Variants in CCT5 observed in about 807,000 individuals in gnomAD.
CCT5 encodes the protein T-complex protein 1 subunit epsilon.
A neutral mutation model predicts 55.0 loss-of-function variants in CCT5; 6 were observed. The ratio of observed to expected loss-of-function variants is 0.11; its 90% CI spans 0.06 to 0.22. The LOEUF (loss-of-function observed/expected upper bound fraction) is 0.22, where lower values mean the gene tolerates loss of function less well. CCT5 is among the 10% of genes least tolerant of loss of function. The pLI, the probability that CCT5 is intolerant of heterozygous loss-of-function variation, is 1.00. For synonymous variants in CCT5, 231 were observed against 243.7 expected (o/e 0.95, Z 0.49); for missense variants, 560 against 694.6 (o/e 0.81, Z 2.18).
chr5:10,259,789 T>TG (rs1004178067), intron 6 of CCT5, among the ~76,000 whole-genome samples: 3 of 152,178 alleles, frequency 2.0e-5, no homozygotes, highest in Non-Finnish European at 1.5e-5. Context: ...TCAGCTGTGC[T>TG]GGGGGGCCAC....
rs1579456640 is a variant in CCT5 at position 10,262,040 on chromosome 5, TG to T, written c.1179+296del. The T allele has an allele frequency of 1.2e-5, 5 of 424,224 alleles. No individual in the cohort carries two copies. In the East Asian group the frequency reaches 2.7e-4, roughly 23 times the overall value. The allele number at this position is 424,224 out of a possible 1,614,324, so 26.3% of individuals were successfully genotyped here. On this transcript the variant is annotated intron_variant, in intron 8 of 10. Transcript: ENST00000280326. Reference sequence around the variant, plus strand: ...TTCAAGTCCTGGATTTTAGAATGTTTGATACAGTTACATTAGGGGTTGGTTA... The same window carrying T: ...TTCAAGTCCTGGATTTTAGAATGTTTATACAGTTACATTAGGGGTTGGTTA...
rs148865483 is a variant in CCT5, at chr5:10,255,772, C to T, written c.332-183C>T. Reference sequence around the variant, plus strand: ...TCTGTAAGGGGACACATGTCCTATTCGACCTTCGCTAGAACTAAAACGAGG... The same window carrying T: ...TCTGTAAGGGGACACATGTCCTATTTGACCTTCGCTAGAACTAAAACGAGG... On this transcript the variant is annotated intron_variant, in intron 3 of 10. Coordinates refer to ENST00000280326, the MANE Select transcript of CCT5 (RefSeq NM_012073.5). Among the ~76,000 whole-genome samples, 1,450 of 152,266 alleles carry T rather than the reference C, an allele frequency of 9.5e-3. 23 individuals are homozygous for T. The highest frequency in any genetic ancestry group is 0.032 in the African/African-American group (1,340 of 41,538).
At chr5:10,250,234 G>C (rs1312484095), upstream of CCT5, 6 of 1,577,924 alleles carry the variant, frequency 3.8e-6, no homozygotes, top group East Asian at 1.4e-4. Flanking sequence ...CGCGCGTCTT[G>C]TGCTGCGCGT....
intron 3 of CCT5, 195 bp downstream of exon 3, chr5:10,255,033 G>A (rs1745604260): frequency 9.9e-6 from 6 of 606,100 alleles, no homozygotes; most frequent in Admixed American, 5.2e-5. Flanking sequence ...GAGGGCTGGG[G>A]ATTGTTAGGC....
At chr5:10,262,886 T>C (rs759709844) in intron 9 of CCT5, among the ~76,000 whole-genome samples, 8 of 152,354 alleles carry the variant, frequency 5.3e-5, no homozygotes, top group Middle Eastern at 3.4e-3. Flanking sequence ...AAAATTAATA[T>C]TATAACTTAA....
chr5:10,255,983 G>A lies in CCT5; in HGVS notation c.360G>A (p.Ala120=), dbSNP rs140826112. The change falls in exon 4 of 11, where the codon GCG becomes GCA. Residue 120 remains alanine, a synonymous_variant. Transcript: ENST00000280326. ...VVLAGALLEE[A]EQLLDRGIHP... is the part of the protein sequence containing the mutation. ...TGGCTGGTGCCTTGTTAGAAGAAGC[G>A]GAGCAATTGCTAGACCGAGGCATTC... 46 of 1,614,012 alleles carry A rather than the reference G, an allele frequency of 2.9e-5. No homozygotes were observed. Among genetic ancestry groups the A allele is most frequent in the Middle Eastern group, 3.3e-4 (2 of 6,084 alleles).
Position 10,250,470 on chromosome 5 carries a change from G to T in CCT5, c.105+25G>T, listed in dbSNP as rs781109373. The stretch of plus-strand genomic sequence containing the variant: ...GGTAATGGCACAGGGACCTGCTCGC[G>T]GTGGGCTAAGGGGAGGTGGCCGAGG... On this transcript the variant is annotated intron_variant, in intron 1 of 10. Transcript: ENST00000280326. 9 of 1,611,322 alleles carry T rather than the reference G, an allele frequency of 5.6e-6. No individual in the cohort carries two copies. The Admixed American group carries it at 1.5e-4, about 27-fold the overall frequency.
intron 2 of CCT5, 63 bp from the exon 3 acceptor site, chr5:10,254,611 T>C (rs1208059255): frequency 3.5e-6 from 5 of 1,439,546 alleles, no homozygotes; most frequent in Non-Finnish European, 4.9e-6. Flanking sequence ...GAGGTCTTGT[T>C]TTATAGTTTG....
chr5:10,263,392 G>C, intron 10 of CCT5, 78 bp downstream of exon 10: 1 of 1,305,338 alleles, frequency 7.7e-7, no homozygotes, highest in Non-Finnish European at 1.1e-6. Flanking sequence ...TGTATGTGCT[G>C]TGAGATGATG....
intron 1 of CCT5, 33 bp downstream of exon 1, chr5:10,250,478 A>G: frequency 6.2e-7 from 1 of 1,610,572 alleles, no homozygotes; most frequent in Non-Finnish European, 8.5e-7. Context: ...GCGGTGGGCT[A>G]AGGGGAGGTG....
At chr5:10,259,037 GT>G (rs1745820987) in intron 6 of CCT5, among the ~76,000 whole-genome samples, 1 of 152,206 alleles carries the variant, frequency 6.6e-6, no homozygotes, top group African/African-American at 2.4e-5. Flanking sequence ...AAGTGACCCT[GT>G]TACCTAAAGC....
intron 6 of CCT5, among the ~76,000 whole-genome samples, chr5:10,259,834 G>A (rs551830737): frequency 2.0e-5 from 3 of 152,358 alleles, no homozygotes; most frequent in Admixed American, 1.3e-4. Context: ...TTACTGGATC[G>A]TGCTGGTGAG....
rs547300757 is a variant in CCT5, at chr5:10,265,802, T to C, written c.*1019T>C. 6.6e-6 allele frequency: 1 copy of C among 152,316 alleles called. No homozygotes were observed. The highest frequency in any genetic ancestry group is 1.5e-5 in the Non-Finnish European group (1 of 68,024). 9.4% of individuals were successfully genotyped at this position (152,316 alleles called of 1,614,324 possible). ...TGTTATTTGCTTGTTAATGATTCTC[T>C]AGATTTTCTAAAATAATGTTTCTTA... is the stretch of plus-strand genomic sequence containing the variant. On this transcript the variant is annotated 3_prime_UTR_variant, in exon 11 of 11. Transcript: ENST00000280326.
chr5:10,263,470 G>C (rs2292267), intron 10 of CCT5, among the ~76,000 whole-genome samples, 156 bp downstream of exon 10: 1 of 152,224 alleles, frequency 6.6e-6, no homozygotes, highest in East Asian at 1.9e-4. Flanking sequence ...TTTGATTGCC[G>C]TAGGAATTGG....
At chr5:10,250,203 T>A, upstream of CCT5, 1 of 1,549,972 alleles carries the variant, frequency 6.5e-7, no homozygotes, top group Non-Finnish European at 8.7e-7. Flanking sequence ...GTGAAATTAG[T>A]CTCAGTAGAA....
In CCT5 at chr5:10,256,074, A is replaced by C. The variant is rs202190887; in HGVS notation, c.451A>C (p.Ile151Leu). Residue 151 changes from isoleucine (I) to leucine (L), a missense_variant, in exon 4 of 11, where the codon ATC becomes CTC. Ile to Leu is a conservative substitution (Grantham distance 5). Transcript: ENST00000280326. The part of the protein sequence containing the change: ...ARVAIEHLDK[I>L]SDSVLVDIKD... ...TGTTGCTATTGAACACCTGGACAAGATCAGCGATAGCGTCCTTGTTGACAT... is the reference window on the plus strand; with the variant it reads ...TGTTGCTATTGAACACCTGGACAAGCTCAGCGATAGCGTCCTTGTTGACAT... 7.4e-6 allele frequency: 12 copies of C among 1,614,110 alleles called. No individual in the cohort carries two copies. The highest frequency in any genetic ancestry group is 1.0e-5 in the Non-Finnish European group (12 of 1,179,960).
chr5:10,250,498 G>A (rs1307048723), intron 1 of CCT5, 53 bp downstream of exon 1: 2 of 1,603,220 alleles, frequency 1.2e-6, no homozygotes, highest in Non-Finnish European at 8.5e-7. Flanking sequence ...GGCCGAGGCC[G>A]TGGCTCTGCG....
Position 10,250,352 on chromosome 5 carries a change from G to A in CCT5, c.12G>A (p.Met4Ile). ...CCGGTTGTTGCACCATGGCGTCCAT[G>A]GGGACCCTCGCCTTCGATGAATATG... MAS[M>I]GTLAFDEYGR... is the part of the protein sequence containing the mutation. Residue 4 changes from methionine (M) to isoleucine (I), a missense_variant, in exon 1 of 11, where the codon ATG (methionine) becomes ATA (isoleucine). Physicochemically the swap from Met to Ile is conservative, Grantham distance 10 (BLOSUM62 1). Around this residue, in one of 4 missense-constraint regions of CCT5, gnomAD observed 137 missense variants for 181.9 expected, o/e 0.75. Transcript: ENST00000280326. 6.2e-7 allele frequency: 1 copy of A among 1,614,028 alleles called. No homozygotes were observed. The highest frequency in any genetic ancestry group is 8.5e-7 in the Non-Finnish European group (1 of 1,179,970).
rs922131591 is a variant in CCT5, at chr5:10,258,289, C to T, written c.709C>T (p.Pro237Ser). 3 of 1,614,144 alleles carry T rather than the reference C, an allele frequency of 1.9e-6. No homozygotes were observed. Among genetic ancestry groups the T allele is most frequent in the East Asian group, 2.2e-5 (1 of 44,888 alleles). Residue 237 changes from proline (P) to serine (S), a missense_variant, in exon 5 of 11, where the codon CCA becomes TCA. Physicochemically the swap from Pro to Ser is moderately conservative, Grantham distance 74 (BLOSUM62 -1). Transcript: ENST00000280326. ...GATTGTGGACAAGGATTTCAGTCACCCACAGATGCCAAAAGTGAGCCATTG... is the reference window on the plus strand; with the variant it reads ...GATTGTGGACAAGGATTTCAGTCACTCACAGATGCCAAAAGTGAGCCATTG... The part of the protein sequence containing the change: ...GVIVDKDFSH[P>S]QMPKKVEDAK...
Sources: gnomAD v4.1 joint callset for allele counts (sites outside exome capture counted in the v4.1 genomes callset) on GRCh38, gnomAD v4.1.1 for gene constraint, gnomAD v4.1.1 regional missense constraint, MANE v1.5 for transcripts, NCBI Gene and HGNC (gene_info 2026-07-23, HGNC 2026-07-21) for gene names.